The following SHANK2 variants were observed in gnomAD, a reference collection of about 807,000 sequenced individuals.
The protein encoded by SHANK2 is SH3 and multiple ankyrin repeat domains 2.
SHANK2 carries 43 observed loss-of-function variants against 133.7 expected under a neutral mutation model. The ratio of observed to expected loss-of-function variants is 0.32; its 90% confidence interval spans 0.25 to 0.41. SHANK2 has a LOEUF of 0.41. SHANK2 is among the 10% of genes least tolerant of loss of function. SHANK2 has a pLI of 1.00. For missense variants in SHANK2, 1,994 were observed against 2,235.8 expected (o/e 0.89, Z 2.18); for synonymous variants, 1,017 against 952.8 (o/e 1.07, Z -1.24).
chr11:71,189,691 C>T (rs1307619077), intron 2 of SHANK2, among the ~76,000 whole-genome samples: 1 of 152,250 alleles, frequency 6.6e-6, no homozygotes, highest in Non-Finnish European at 1.5e-5. Flanking sequence ...CGTGCCTGGC[C>T]ATGGTCCCAA....
At chr11:70,721,981 G>A (rs1275471632) in intron 14 of SHANK2, among the ~76,000 whole-genome samples, 1 of 152,252 alleles carries the variant, frequency 6.6e-6, no homozygotes, top group Non-Finnish European at 1.5e-5. Context: ...GTCGAGGTGT[G>A]AGTGCACCTC....
chr11:71,092,660 A>G, intron 7 of SHANK2, 71 bp from the exon 8 acceptor site: 1 of 1,473,958 alleles, frequency 6.8e-7, no homozygotes, highest in East Asian at 2.5e-5. Context: ...GTGATCCAGA[A>G]AGCAGCACCA....
At chr11:71,137,299 TAAAAAAA>T (rs10534209) in intron 3 of SHANK2, among the ~76,000 whole-genome samples, 1 of 112,776 alleles carries the variant, frequency 8.9e-6, no homozygotes, top group Non-Finnish European at 1.7e-5. Flanking sequence ...AATCCTTACT[TAAAAAAA>T]AAAAAAAAAA....
chr11:70,798,629 G>C (rs1947973682), intron 13 of SHANK2, 73 bp from the exon 14 acceptor site: 1 of 702,766 alleles, frequency 1.4e-6, no homozygotes, highest in African/African-American at 1.8e-5. Flanking sequence ...AGACGAGTGG[G>C]GCTGGGCAGA....
chr11:71,085,027 A>G (rs1951359624), intron 8 of SHANK2, among the ~76,000 whole-genome samples: 1 of 152,194 alleles, frequency 6.6e-6, no homozygotes, highest in Admixed American at 6.5e-5. Flanking sequence ...GGTCCTATAC[A>G]CATTTGACCA....
At chr11:71,113,244 G>C in intron 5 of SHANK2, 49 bp downstream of exon 5, 1 of 1,477,744 alleles carries the variant, frequency 6.8e-7, no homozygotes, top group East Asian at 2.5e-5. Flanking sequence ...AGATAACAAG[G>C]AGGACGCCGC....
At chr11:70,758,935 C>A (rs797025419) in intron 14 of SHANK2, among the ~76,000 whole-genome samples, 1 of 151,228 alleles carries the variant, frequency 6.6e-6, no homozygotes, top group African/African-American at 2.4e-5. Flanking sequence ...CTGAGGCAGG[C>A]GGATCACGAG....
In SHANK2 at chr11:70,469,522, C is replaced by CT. The variant is rs782344648; in HGVS notation, c.*3346dup. The CT allele has an allele frequency of 0.023, 3,156 of 139,390 alleles. 93 individuals are homozygous for CT. The highest frequency in any genetic ancestry group is 0.067 in the African/African-American group (2,575 of 38,672). The allele number at this position is 139,390 out of a possible 1,614,324, so 8.6% of individuals were successfully genotyped here. A position where few individuals can be genotyped will look rare whatever the true frequency, so the allele number is the denominator to read the frequency against. On this transcript the variant is annotated 3_prime_UTR_variant, in exon 26 of 26. Transcript: ENST00000601538. ...TGGGAGAAAGTGCAAATTACAGGAG[C>CT]TTTTTTTTTTTTTTATAAAGTCTAA...
chr11:70,718,600 C>T (rs143919477), intron 14 of SHANK2, among the ~76,000 whole-genome samples: 364 of 152,172 alleles, frequency 2.4e-3, no homozygotes, highest in Non-Finnish European at 4.5e-3. Context: ...AAGGACTTCT[C>T]GGCTTTCAAA....
chr11:70,729,152 G>A (rs1208466007), intron 14 of SHANK2, among the ~76,000 whole-genome samples: 1 of 149,872 alleles, frequency 6.7e-6, no homozygotes, highest in African/African-American at 2.5e-5. Context: ...TGCCGAGATC[G>A]CACCACTGCA....
At chr11:71,085,467 TATATATAATATATATGTTATATA>T (rs1182948215) in intron 8 of SHANK2, among the ~76,000 whole-genome samples, 2 of 124,102 alleles carry the variant, frequency 1.6e-5, no homozygotes, top group Non-Finnish European at 3.2e-5. Context: ...AATATATATA[TATATATAATATATATGTTATATA>T]ATATATAATA....
chr11:71,241,439 C>A (rs1954891061), intron 1 of SHANK2, among the ~76,000 whole-genome samples: 1 of 152,168 alleles, frequency 6.6e-6, no homozygotes, highest in Non-Finnish European at 1.5e-5. Context: ...CCCCATGGGA[C>A]AAACAAACAC....
chr11:70,843,965 C>T (rs552463600), intron 11 of SHANK2, among the ~76,000 whole-genome samples: 2 of 152,144 alleles, frequency 1.3e-5, no homozygotes, highest in African/African-American at 2.4e-5. Flanking sequence ...TTTGGGGACA[C>T]GGCCTTCGTG....
intron 11 of SHANK2, among the ~76,000 whole-genome samples, chr11:70,873,323 C>T (rs1411058111): frequency 6.6e-6 from 1 of 152,234 alleles, no homozygotes; most frequent in African/African-American, 2.4e-5. Flanking sequence ...AAGGTCGAGA[C>T]TTGCAGGGCT....
rs2059038567 is a variant in SHANK2, at chr11:70,500,741, CA to C, written c.2288-152del. ...GGGGCTGTCTGGAACGCTGCGAACG[CA>C]GGCTGCGCTATCCATGGAGTGGCTT... On this transcript the variant is annotated intron_variant, in intron 20 of 25. Coordinates refer to ENST00000601538, the MANE Select transcript of SHANK2 (RefSeq NM_012309.5). The surrounding 1 kb of genome is among the most constrained non-coding windows in gnomAD (Gnocchi z 4.5). The C allele has an allele frequency of 2.0e-6, 2 of 1,003,416 alleles. No individual in the cohort carries two copies. Among genetic ancestry groups the C allele is most frequent in the Non-Finnish European group, 3.1e-6 (2 of 646,514 alleles). 62.2% of individuals were successfully genotyped at this position (1,003,416 alleles called of 1,614,324 possible). A position where few individuals can be genotyped will look rare whatever the true frequency, so the allele number is the denominator to read the frequency against.
At chr11:70,514,140 A>C (rs1241040739) in intron 17 of SHANK2, among the ~76,000 whole-genome samples, 1 of 152,224 alleles carries the variant, frequency 6.6e-6, no homozygotes. Context: ...AATTATTTAC[A>C]TTATTCACAC....
chr11:70,520,348 G>A (rs1299902136), intron 17 of SHANK2, among the ~76,000 whole-genome samples: 1 of 152,168 alleles, frequency 6.6e-6, no homozygotes, highest in African/African-American at 2.4e-5. Flanking sequence ...CTGCTGGGAT[G>A]GTTTCTTAGA....
At chr11:70,694,019 A>G (rs1202239926) in intron 15 of SHANK2, among the ~76,000 whole-genome samples, 2 of 152,210 alleles carry the variant, frequency 1.3e-5, no homozygotes, top group Admixed American at 6.5e-5. Flanking sequence ...CGTTCAGCCT[A>G]AAGTGAGACC....
intron 14 of SHANK2, among the ~76,000 whole-genome samples, chr11:70,717,927 A>G (rs1945978261): frequency 6.6e-6 from 1 of 152,338 alleles, no homozygotes; most frequent in East Asian, 1.9e-4. Context: ...GGAAGTTCAC[A>G]AATTTGACTT....
Sources: allele counts gnomAD v4.1 joint callset (sites outside exome capture counted in the v4.1 genomes callset), GRCh38; gene constraint gnomAD v4.1.1; non-coding constraint Gnocchi (gnomAD v3.1); transcripts MANE v1.5; gene names NCBI Gene and HGNC (gene_info 2026-07-23, HGNC 2026-07-21).